CDH12: variants seen among roughly 807,000 people sequenced by gnomAD.
CDH12 encodes the protein cadherin-12.
In CDH12, 41 loss-of-function variants were observed where a neutral mutation model predicts 74.1. The ratio of observed to expected loss-of-function variants is 0.55; its 90% CI spans 0.43 to 0.72. The LOEUF is 0.72. Ranked by LOEUF, CDH12 falls within the 30% of genes least tolerant of loss-of-function variation. The pLI, the probability that CDH12 is intolerant of heterozygous loss-of-function variation, is 0.00. For missense variants in CDH12, 945 were observed against 977.2 expected (o/e 0.97, Z 0.44); for synonymous variants, 399 against 355.0 (o/e 1.12, Z -1.39).
intron 5 of CDH12, among the ~76,000 whole-genome samples, chr5:22,029,216 T>A (rs1408835747): frequency 6.6e-6 from 1 of 151,890 alleles, no homozygotes; most frequent in Non-Finnish European, 1.5e-5. Flanking sequence ...GGACTTCATG[T>A]CTAAAACACC....
At chr5:22,455,588 A>G (rs926132036) in intron 2 of CDH12, among the ~76,000 whole-genome samples, 1 of 152,212 alleles carries the variant, frequency 6.6e-6, no homozygotes, top group Non-Finnish European at 1.5e-5. Flanking sequence ...AATGTCAATT[A>G]CAGAAATCCA....
chr5:21,765,065 C>T lies in CDH12; in HGVS notation c.1428G>A (p.Leu476=). The stretch of plus-strand genomic sequence containing the variant: ...ATTCATTTACATCTAAGACATTAAT[C>T]AGTATATTGACTTTGCTGGTCAATA... ...NPLLTSKVNI[L]INVLDVNEFP... Residue 476 remains leucine (L), a synonymous_variant, in exon 12 of 15, where the codon CTG becomes CTA. Transcript: ENST00000382254. The T allele has an allele frequency of 2.5e-6, 4 of 1,606,406 alleles. No homozygotes were observed. The highest frequency in any genetic ancestry group is 2.6e-6 in the Non-Finnish European group (3 of 1,175,258).
intron 1 of CDH12, among the ~76,000 whole-genome samples, chr5:22,602,051 A>T (rs1309179516): frequency 6.6e-6 from 1 of 152,146 alleles, no homozygotes; most frequent in Non-Finnish European, 1.5e-5. Flanking sequence ...AATATTAGCA[A>T]TTGAATGAGA....
intron 3 of CDH12, among the ~76,000 whole-genome samples, chr5:22,386,812 T>A (rs1215496235): frequency 6.6e-6 from 1 of 151,878 alleles, no homozygotes; most frequent in African/African-American, 2.4e-5. Flanking sequence ...AGGCTAAAAA[T>A]AAAAGTCTTA....
At chr5:22,812,106 C>G (rs963948644) in intron 1 of CDH12, among the ~76,000 whole-genome samples, 1 of 152,054 alleles carries the variant, frequency 6.6e-6, no homozygotes, top group Non-Finnish European at 1.5e-5. Context: ...ATGAGCTTAA[C>G]TGTGGAACTG....
intron 6 of CDH12, among the ~76,000 whole-genome samples, chr5:21,935,452 T>C (rs1755034667): frequency 3.9e-5 from 6 of 152,142 alleles, no homozygotes; most frequent in Admixed American, 3.9e-4. Context: ...CATTTCCCTC[T>C]TTTTTATTTT....
Position 21,918,090 on chromosome 5 carries a change from AAAGT to A in CDH12, c.526+56997_526+57000del, listed in dbSNP as rs553363142. On this transcript the variant is annotated intron_variant, in intron 6 of 14. Transcript: ENST00000382254. ...AAGATACATTTTTCTATATAGTATG[AAAGT>A]AAGTATGTATTGCTAATAATATATA... Among the ~76,000 whole-genome samples the A allele has an allele frequency of 4.1e-3, 623 of 152,280 alleles. 1 individual carries two copies. Among genetic ancestry groups the A allele is most frequent in the African/African-American group, 0.014 (568 of 41,570 alleles).
intron 1 of CDH12, among the ~76,000 whole-genome samples, chr5:22,715,601 G>A (rs926400367): frequency 2.6e-5 from 4 of 151,652 alleles, no homozygotes; most frequent in African/African-American, 7.3e-5. Flanking sequence ...TCAGGAGTTC[G>A]AGACCAGCCT....
chr5:22,281,908 C>T (rs1350254239), intron 3 of CDH12, among the ~76,000 whole-genome samples: 1 of 152,108 alleles, frequency 6.6e-6, no homozygotes, highest in African/African-American at 2.4e-5. Context: ...AACGAGCCCG[C>T]ATAGCAAAGA....
intron 3 of CDH12, among the ~76,000 whole-genome samples, chr5:22,219,946 T>C (rs113687625): frequency 0.018 from 2,739 of 151,874 alleles, 32 homozygotes; most frequent in African/African-American, 0.024. Context: ...TTAGTTAAAA[T>C]GAACAACATA....
At chr5:22,488,688 G>C (rs573239837) in intron 2 of CDH12, among the ~76,000 whole-genome samples, 2 of 151,992 alleles carry the variant, frequency 1.3e-5, no homozygotes, top group African/African-American at 4.8e-5. Context: ...AGACAACAAA[G>C]AACTGCACCT....
At chr5:22,189,740 A>T (rs538750904) in intron 4 of CDH12, among the ~76,000 whole-genome samples, 34 of 151,064 alleles carry the variant, frequency 2.3e-4, no homozygotes, top group South Asian at 6.2e-4. Context: ...ATATCTTTTT[A>T]AAAAAAATTC....
chr5:22,016,520 C>A (rs766877603), intron 5 of CDH12, among the ~76,000 whole-genome samples: 3 of 151,912 alleles, frequency 2.0e-5, no homozygotes, highest in Non-Finnish European at 4.4e-5. Flanking sequence ...CTCAGCCTCC[C>A]AAGTAGCTGG....
At chr5:22,341,316 C>G (rs919213349) in intron 3 of CDH12, among the ~76,000 whole-genome samples, 1 of 152,068 alleles carries the variant, frequency 6.6e-6, no homozygotes, top group Non-Finnish European at 1.5e-5. Context: ...ATACCCCTAT[C>G]TCTACAAAAA....
chr5:22,833,635 C>A (rs997910898), intron 1 of CDH12, among the ~76,000 whole-genome samples: 1 of 152,146 alleles, frequency 6.6e-6, no homozygotes, highest in East Asian at 1.9e-4. Context: ...GGTTTCTTTT[C>A]TTTGTTTATT....
At chr5:22,343,497 A>C (rs1486824602) in intron 3 of CDH12, among the ~76,000 whole-genome samples, 2 of 151,976 alleles carry the variant, frequency 1.3e-5, no homozygotes, top group East Asian at 3.9e-4. Context: ...GGCTCACTGC[A>C]AGCTCTGCCT....
At chr5:22,524,199 C>T (rs1190865547) in intron 1 of CDH12, among the ~76,000 whole-genome samples, 1 of 151,944 alleles carries the variant, frequency 6.6e-6, no homozygotes, top group Non-Finnish European at 1.5e-5. Context: ...GTTGCCCAGG[C>T]GTTTCTCAAA....
chr5:22,373,792 C>A (rs973500571), intron 3 of CDH12, among the ~76,000 whole-genome samples: 1 of 152,156 alleles, frequency 6.6e-6, no homozygotes, highest in East Asian at 1.9e-4. Context: ...GAAAACAATC[C>A]TTCCCTATGA....
chr5:21,853,879 T>C (rs1362398167), intron 7 of CDH12, among the ~76,000 whole-genome samples: 1 of 151,670 alleles, frequency 6.6e-6, no homozygotes, highest in Non-Finnish European at 1.5e-5. Context: ...TGTTCTAATG[T>C]AGTGTATAAG....
Sources: allele counts gnomAD v4.1 joint callset (sites outside exome capture counted in the v4.1 genomes callset), GRCh38; gene constraint gnomAD v4.1.1; transcripts MANE v1.5; gene names NCBI Gene and HGNC (gene_info 2026-07-23, HGNC 2026-07-21).